The following TPR variants were observed in gnomAD, a reference collection of about 807,000 sequenced individuals.
The protein encoded by TPR is nucleoprotein TPR.
TPR carries 51 observed loss-of-function variants against 316.1 expected under a neutral mutation model. The observed-to-expected ratio is 0.16, with a 90% CI of 0.13 to 0.20. The LOEUF (loss-of-function observed/expected upper bound fraction) is 0.20, where lower values mean the gene tolerates loss of function less well. TPR is among the 10% of genes least tolerant of loss of function. The pLI is 1.00. For synonymous variants in TPR, 981 were observed against 914.7 expected, an observed-to-expected ratio of 1.07 and a Z score of -1.31; for missense variants, 2,272 against 2,754.8, an observed-to-expected ratio of 0.82 and a Z score of 3.92.
At chr1:186,373,846 TTC>T (rs1659605244) in intron 1 of TPR, among the ~76,000 whole-genome samples, 1 of 152,172 alleles carries the variant, frequency 6.6e-6, no homozygotes, top group South Asian at 2.1e-4. Flanking sequence ...TTTAAAAGAC[TTC>T]TTTTATAGTA....
chr1:186,375,144 G>A lies in TPR; in HGVS notation c.-116C>T, dbSNP rs1659676128. 6.5e-7 allele frequency: 1 copy of A among 1,549,726 alleles called. No individual in the cohort carries two copies. The highest frequency in any genetic ancestry group is 8.7e-7 in the Non-Finnish European group (1 of 1,147,264). ...CGCCGCCTCTATCACCTCGCTCGGT[G>A]GCTCGCGCGCGCCCGCCCGCCGGAG... On this transcript the variant is annotated 5_prime_UTR_variant, in exon 1 of 51. Transcript: ENST00000367478.
chr1:186,341,186 C>CT, intron 28 of TPR, 27 bp from the exon 29 acceptor site: 1 of 1,612,648 alleles, frequency 6.2e-7, no homozygotes, highest in Non-Finnish European at 8.5e-7. Context: ...TATTTAACAA[C>CT]AAATGTAAAA....
chr1:186,341,478 A>C lies in TPR; in HGVS notation c.3751-89T>G. 4 of 1,339,356 alleles carry C rather than the reference A, an allele frequency of 3.0e-6. No individual in the cohort carries two copies. The South Asian group carries it at 6.4e-5, about 21-fold the overall frequency. 83.0% of individuals were successfully genotyped at this position (1,339,356 alleles called of 1,614,324 possible). ...ATGAGCTCAAATCCTCCCTATGACA[A>C]AATAAAGAGGATTTAAGTTTCAACT... On this transcript the variant is annotated intron_variant, in intron 27 of 50. Transcript: ENST00000367478.
At chr1:186,354,930 TCTCA>T (rs1658977351) in intron 17 of TPR, among the ~76,000 whole-genome samples, 1 of 152,162 alleles carries the variant, frequency 6.6e-6, no homozygotes, top group East Asian at 1.9e-4. Flanking sequence ...TGAGACAGAA[TCTCA>T]CTCTCTTGCC....
chr1:186,364,186 A>G (rs1201050123), intron 4 of TPR, among the ~76,000 whole-genome samples: 1 of 152,234 alleles, frequency 6.6e-6, no homozygotes. Context: ...GTACAATACC[A>G]TAAACCTTGA....
At chr1:186,319,873 G>GT (rs1489843519) in intron 46 of TPR, among the ~76,000 whole-genome samples, 2 of 151,778 alleles carry the variant, frequency 1.3e-5, no homozygotes, top group Non-Finnish European at 2.9e-5. Flanking sequence ...TTTATTTTTT[G>GT]TTTTTTTAAG....
intron 36 of TPR, 25 bp from the exon 37 acceptor site, chr1:186,333,419 T>A (rs1185819056): frequency 1.2e-6 from 2 of 1,606,464 alleles, no homozygotes; most frequent in African/African-American, 1.3e-5. Flanking sequence ...TAATGCTGAA[T>A]ATAAGCCTTC....
At chr1:186,359,726 G>GAA in intron 12 of TPR, 73 bp downstream of exon 12, 2 of 1,440,104 alleles carry the variant, frequency 1.4e-6, no homozygotes, top group Admixed American at 2.7e-5. Flanking sequence ...ATCACCTTAA[G>GAA]AAAAAAAAAT....
intron 32 of TPR, 145 bp downstream of exon 32, chr1:186,336,868 C>G: frequency 7.5e-7 from 1 of 1,337,578 alleles, no homozygotes; most frequent in African/African-American, 1.5e-5. Context: ...TGATTGGGTA[C>G]TACTTACATA....
At chr1:186,334,182 T>A (rs1023496448) in intron 36 of TPR, 143 bp downstream of exon 36, 1 of 857,626 alleles carries the variant, frequency 1.2e-6, no homozygotes, top group African/African-American at 1.7e-5. Flanking sequence ...CCTAGAAGTA[T>A]GTCCTTCAAA....
intron 2 of TPR, among the ~76,000 whole-genome samples, chr1:186,373,091 T>TA (rs1407722896): frequency 2.5e-4 from 38 of 152,308 alleles, no homozygotes; most frequent in African/African-American, 8.9e-4. Context: ...TTATAAACAA[T>TA]AATCAGATAC....
chr1:186,354,085 C>G lies in TPR; in HGVS notation c.2172-235G>C, dbSNP rs1216883504. 5 of 391,374 alleles carry G rather than the reference C, an allele frequency of 1.3e-5. No individual in the cohort carries two copies. In the East Asian group the frequency reaches 2.2e-4, roughly 17 times the overall value. The allele number at this position is 391,374 out of a possible 1,614,324, so 24.2% of individuals were successfully genotyped here. On this transcript the variant is annotated intron_variant, in intron 17 of 50. Transcript: ENST00000367478. The stretch of plus-strand genomic sequence containing the variant: ...AAATCTGTCAGATTTGCCTCAACCT[C>G]AAACAGCATGCTTATGTAAAATTAA...
At position 186,367,973 on chromosome 1, in the gene TPR, T is replaced by C. The variant is rs1258680579; in HGVS notation, c.340A>G (p.Thr114Ala). 6.2e-7 allele frequency: 1 copy of C among 1,609,310 alleles called. No homozygotes were observed. Among genetic ancestry groups the C allele is most frequent in the Non-Finnish European group, 8.5e-7 (1 of 1,178,882 alleles). ...DRNIAIQSQF[T>A]RTKEELEAEK... ...GCTTCTAATTCTTCCTTTGTTCTTG[T>C]AAATTGGCTCTGTCATATAAAGAAG... Residue 114 changes from threonine (T) to alanine (A), a missense_variant, in exon 4 of 51, where the codon ACA becomes GCA. Physicochemically the swap from Thr to Ala is moderately conservative, Grantham distance 58. Around this residue, in one of 10 missense-constraint regions of TPR, gnomAD observed 549 missense variants for 598.6 expected, o/e 0.92. Transcript: ENST00000367478.
chr1:186,318,771 C>T lies in TPR; in HGVS notation c.6626G>A (p.Arg2209Gln), dbSNP rs747658892. The T allele has an allele frequency of 1.7e-5, 28 of 1,614,020 alleles. No homozygotes were observed. The highest frequency in any genetic ancestry group is 2.1e-5 in the Non-Finnish European group (25 of 1,180,042). Residue 2209 changes from arginine to glutamine, a missense_variant, in exon 47 of 51, where the codon CGA (arginine) becomes CAA (glutamine). Arg to Gln is a conservative substitution (Grantham distance 43, BLOSUM62 1). This residue lies in a region of TPR where 88 missense variants were observed against 176.2 expected (regional missense o/e 0.50). Coordinates refer to ENST00000367478, the MANE Select transcript of TPR (RefSeq NM_003292.3). ...FLAHEEESGG[R>Q]SVPTTPLQVA... ...TTGTAGTGGAGTAGTGGGAACACTT[C>T]GGCCACCTGACTCTTCTTCATGAGC... is the stretch of plus-strand genomic sequence containing the variant.
chr1:186,322,545 A>G lies in TPR; in HGVS notation c.6339T>C (p.Leu2113=). ...MTRRQSVGRG[L]QLTPGIGGMQ... ...TGCCACCTATTCCTGGAGTCAACTG[A>G]AGGCCACGTCCTACAGACTGCCTTC... The change falls in exon 44 of 51, where the codon CTT becomes CTC. Residue 2113 remains leucine (L), a synonymous_variant. Transcript: ENST00000367478. 3.1e-6 allele frequency: 5 copies of G among 1,614,118 alleles called. No individual in the cohort carries two copies. In the Admixed American group the frequency reaches 8.3e-5, roughly 27 times the overall value.
chr1:186,342,667 A>C (rs950815495), intron 27 of TPR: 1 of 152,250 alleles, frequency 6.6e-6, no homozygotes, highest in African/African-American at 2.4e-5. Flanking sequence ...AGTTAAAAGA[A>C]GATAAATGTT....
intron 44 of TPR, 49 bp downstream of exon 44, chr1:186,322,469 A>G: frequency 1.2e-6 from 2 of 1,613,002 alleles, no homozygotes; most frequent in Middle Eastern, 1.7e-4. Context: ...GACTATATAA[A>G]TATCTGCTCA....
chr1:186,327,471 C>T lies in TPR; in HGVS notation c.5878G>A (p.Gly1960Arg). Reference sequence around the variant, plus strand: ...CAAATCAAACTTACCTCATGTTCTCCATCATTTTCATCATCATCCTCTTCT... The same window carrying T: ...CAAATCAAACTTACCTCATGTTCTCTATCATTTTCATCATCATCCTCTTCT... The part of the protein sequence containing the change: ...DEEEDDDEND[G>R]EHEDYEEDEE... The change falls in exon 40 of 51, where the codon GGA becomes AGA. Residue 1960 changes from glycine to arginine, a missense_variant. Transcript: ENST00000367478. 6.2e-7 allele frequency: 1 copy of T among 1,609,468 alleles called. No individual in the cohort carries two copies. The highest frequency in any genetic ancestry group is 8.5e-7 in the Non-Finnish European group (1 of 1,179,196).
chr1:186,369,280 A>C (rs943362598), intron 3 of TPR, among the ~76,000 whole-genome samples: 3 of 150,926 alleles, frequency 2.0e-5, no homozygotes, highest in Non-Finnish European at 4.4e-5. Flanking sequence ...TTTTTTTTCT[A>C]TTTCTGCGAA....
Sources: allele counts gnomAD v4.1 joint callset (sites outside exome capture counted in the v4.1 genomes callset), GRCh38; gene constraint gnomAD v4.1.1; regional missense constraint gnomAD v4.1.1; transcripts MANE v1.5; gene names NCBI Gene and HGNC (gene_info 2026-07-23, HGNC 2026-07-21).